The following DENND1A variants were observed in gnomAD, a reference collection of about 807,000 sequenced individuals.
The protein encoded by DENND1A is DENN domain containing 1A, also known as DENN domain-containing protein 1A.
Under a neutral mutation model 113.7 loss-of-function variants are expected in DENND1A, and 51 were observed. That is an observed-to-expected ratio of 0.45 (90% CI 0.36 to 0.57). The LOEUF is 0.57. Ranked by LOEUF, DENND1A falls within the 20% of genes least tolerant of loss-of-function variation. The pLI is 0.00. For synonymous variants in DENND1A, 565 were observed against 570.8 expected (o/e 0.99, Z 0.14); for missense variants, 1,258 against 1,395.9 (o/e 0.90, Z 1.57).
intron 19 of DENND1A, among the ~76,000 whole-genome samples, chr9:123,423,951 G>A (rs1216927928): frequency 6.6e-6 from 1 of 152,176 alleles, no homozygotes; most frequent in African/African-American, 2.4e-5. Context: ...CATCATCCTT[G>A]GTGGAAATGG....
intron 6 of DENND1A, among the ~76,000 whole-genome samples, chr9:123,672,379 A>G (rs1395219181): frequency 6.6e-6 from 1 of 152,152 alleles, no homozygotes. Context: ...AACAATCTCA[A>G]ACTTACTGAA....
At position 123,652,085 on chromosome 9, in the gene DENND1A, G is replaced by A. The variant is rs749333712; in HGVS notation, c.546C>T (p.Asn182=). 2 of 1,614,152 alleles carry A rather than the reference G, an allele frequency of 1.2e-6. No homozygotes were observed. Among genetic ancestry groups the A allele is most frequent in the East Asian group, 4.5e-5 (2 of 44,876 alleles). ...TACTGGCGTACAGATGCAACATGTT[G>A]TTAACATCCACAGCCACAAAATATT... ...LTEYFVAVDV[N]NMLHLYASML... The change falls in exon 9 of 24, where the codon AAC becomes AAT. Residue 182 remains asparagine (N), a synonymous_variant. Transcript: ENST00000394215.
intron 13 of DENND1A, among the ~76,000 whole-genome samples, chr9:123,499,275 C>A (rs1008202513): frequency 6.6e-6 from 1 of 152,230 alleles, no homozygotes; most frequent in African/African-American, 2.4e-5. Flanking sequence ...CTCAGGCGAT[C>A]CACCCGCCTC....
At chr9:123,811,702 T>C (rs1329260981) in intron 2 of DENND1A, among the ~76,000 whole-genome samples, 1 of 152,144 alleles carries the variant, frequency 6.6e-6, no homozygotes, top group Non-Finnish European at 1.5e-5. Context: ...GAGCTTGCAG[T>C]GAGCGGAGAT....
chr9:123,752,807 TG>T (rs557491716), intron 5 of DENND1A, among the ~76,000 whole-genome samples: 68 of 152,230 alleles, frequency 4.5e-4, no homozygotes, highest in Non-Finnish European at 7.6e-4. Flanking sequence ...CAGACTCAGA[TG>T]GTACAATATG....
intron 21 of DENND1A, chr9:123,402,459 C>T (rs2043561327): frequency 1.9e-6 from 1 of 532,130 alleles, no homozygotes; most frequent in Non-Finnish European, 3.9e-6. Context: ...CTGACTGGGA[C>T]CTGCCATGTC....
intron 19 of DENND1A, among the ~76,000 whole-genome samples, chr9:123,417,106 T>C (rs967597552): frequency 1.3e-5 from 2 of 152,244 alleles, no homozygotes; most frequent in African/African-American, 4.8e-5. Context: ...TGAACTCTTC[T>C]GTAAAATGGC....
intron 12 of DENND1A, among the ~76,000 whole-genome samples, chr9:123,564,790 G>C (rs1051144457): frequency 6.6e-6 from 1 of 152,042 alleles, no homozygotes; most frequent in Non-Finnish European, 1.5e-5. Context: ...TACCATATTG[G>C]ACAACACAGG....
In DENND1A at chr9:123,381,467, C is replaced by A. The variant is rs1371372838; in HGVS notation, c.3178G>T (p.Glu1060Ter). The A allele has an allele frequency of 1.2e-6, 2 of 1,613,482 alleles. No individual in the cohort carries two copies. Among genetic ancestry groups the A allele is most frequent in the Admixed American group, 3.3e-5 (2 of 60,028 alleles). Residue 1060 changes from glutamate to a stop codon, truncating the protein, a stop_gained, in exon 24 of 24, where the codon GAG becomes TAG. Coordinates refer to ENST00000394215, the MANE Select transcript of DENND1A (RefSeq NM_001352964.2). LOFTEE classifies it high-confidence loss of function. This position sits in a 1 kb window ranked among gnomAD's most constrained non-coding sequence, Gnocchi z 4.7. ...GTCTCCCACTGCTTCCTGAGCTGCT[C>A]CACCGAGTCTGGGGCCGGGGCCAGG... ...PALAPAPDSV[E>*]QLRKQWETFE is the part of the protein sequence containing the mutation.
chr9:123,753,997 T>G (rs927739814), intron 5 of DENND1A, among the ~76,000 whole-genome samples: 10 of 152,078 alleles, frequency 6.6e-5, no homozygotes, highest in Non-Finnish European at 7.4e-5. Context: ...TGAAGCTAAA[T>G]CCTGGAACCA....
chr9:123,728,479 C>CAAA (rs60761810), intron 5 of DENND1A, among the ~76,000 whole-genome samples: 1,313 of 25,184 alleles, frequency 0.052, 272 homozygotes, highest in East Asian at 0.06. Flanking sequence ...CTCTGTCTCC[C>CAAA]AAAAAAAAAA....
At chr9:123,707,681 G>A (rs1208551670) in intron 5 of DENND1A, among the ~76,000 whole-genome samples, 1 of 152,210 alleles carries the variant, frequency 6.6e-6, no homozygotes, top group Admixed American at 6.5e-5. Context: ...CAGAGGGGTG[G>A]TGGGAGTGGA....
intron 12 of DENND1A, 81 bp downstream of exon 12, chr9:123,583,088 T>C: frequency 1.9e-6 from 2 of 1,051,458 alleles, no homozygotes; most frequent in South Asian, 1.5e-5. Flanking sequence ...CTATTTCCCC[T>C]CCTTCCCCAT....
At chr9:123,407,547 A>G (rs1433213312) in intron 20 of DENND1A, among the ~76,000 whole-genome samples, 1 of 152,190 alleles carries the variant, frequency 6.6e-6, no homozygotes, top group African/African-American at 2.4e-5. Flanking sequence ...CAGACGATGC[A>G]GACAAGTCTT....
Position 123,886,058 on chromosome 9 carries a change from G to A in DENND1A, c.18-7037C>T, listed in dbSNP as rs982068814. Among the ~76,000 whole-genome samples, 7 of 152,174 alleles carry A rather than the reference G, an allele frequency of 4.6e-5. No individual in the cohort carries two copies. In the East Asian group the frequency reaches 9.6e-4, roughly 21 times the overall value. On this transcript the variant is annotated intron_variant, in intron 1 of 23. Transcript: ENST00000394215. ...CTCCCAAAGTTCTGGGATTACAGGC[G>A]TGAGCCACCACACCCAGCCAGGACC...
At chr9:123,501,228 A>G (rs1001559381) in intron 13 of DENND1A, among the ~76,000 whole-genome samples, 5 of 152,244 alleles carry the variant, frequency 3.3e-5, no homozygotes, top group Non-Finnish European at 7.3e-5. Flanking sequence ...TGTATGTAGC[A>G]TAATGTCCTC....
intron 3 of DENND1A, among the ~76,000 whole-genome samples, chr9:123,775,209 A>G (rs1348453473): frequency 6.6e-6 from 1 of 152,228 alleles, no homozygotes; most frequent in Non-Finnish European, 1.5e-5. Context: ...ACATGCTTCA[A>G]ATACTGTACT....
rs188822676 is a variant in DENND1A, at chr9:123,869,283, T to C, written c.88+9668A>G. 9.2e-4 allele frequency among the ~76,000 whole-genome samples: 140 copies of C among 152,334 alleles called. 1 individual carries two copies. Among genetic ancestry groups the C allele is most frequent in the African/African-American group, 3.2e-3 (133 of 41,574 alleles). ...TCTTCTAGCTACCAAAGCATACAAGTGCAAGCAAGACATAATCTCTGCGCT... is the reference window on the plus strand; with the variant it reads ...TCTTCTAGCTACCAAAGCATACAAGCGCAAGCAAGACATAATCTCTGCGCT... On this transcript the variant is annotated intron_variant, in intron 2 of 23. Transcript: ENST00000394215.
chr9:123,620,850 T>TA (rs922492047), intron 10 of DENND1A, among the ~76,000 whole-genome samples: 13 of 151,082 alleles, frequency 8.6e-5, no homozygotes, highest in Non-Finnish European at 1.3e-4. Context: ...CTTCTTAGCT[T>TA]AAAAAAAAAT....
Sources: allele counts gnomAD v4.1 joint callset (sites outside exome capture counted in the v4.1 genomes callset), GRCh38; gene constraint gnomAD v4.1.1; non-coding constraint Gnocchi (gnomAD v3.1); transcripts MANE v1.5; gene names NCBI Gene and HGNC (gene_info 2026-07-23, HGNC 2026-07-21).